The following PRKG1 variants were observed in gnomAD, a reference collection of about 807,000 sequenced individuals.
The protein encoded by PRKG1 is cGMP-dependent protein kinase 1.
A neutral mutation model predicts 88.1 loss-of-function variants in PRKG1; 35 were observed. That is an observed-to-expected ratio of 0.40 (90% CI 0.30 to 0.53). PRKG1 has a LOEUF of 0.53. Ranked by LOEUF, PRKG1 falls within the 20% of genes least tolerant of loss-of-function variation. The probability of loss-of-function intolerance (pLI) is 0.59; values close to 1 mark genes in which losing one functional copy is unlikely to be tolerated. For missense variants in PRKG1, 540 were observed against 839.8 expected, an observed-to-expected ratio of 0.64 and a Z score of 4.41; for synonymous variants, 303 against 292.5, an observed-to-expected ratio of 1.04 and a Z score of -0.37.
chr10:50,994,897 A>G (rs1435983350), intron 1 of PRKG1, among the ~76,000 whole-genome samples: 1 of 152,128 alleles, frequency 6.6e-6, no homozygotes, highest in Non-Finnish European at 1.5e-5. Context: ...AACTATTTAC[A>G]TATAATTTAT....
chr10:51,404,347 T>G (rs1478642242), intron 2 of PRKG1, among the ~76,000 whole-genome samples: 1 of 152,182 alleles, frequency 6.6e-6, no homozygotes, highest in Non-Finnish European at 1.5e-5. Flanking sequence ...GATAATAGAT[T>G]ATGATGAAAC....
intron 2 of PRKG1, among the ~76,000 whole-genome samples, chr10:51,277,754 T>C (rs1286155538): frequency 6.6e-6 from 1 of 152,234 alleles, no homozygotes; most frequent in African/African-American, 2.4e-5. Flanking sequence ...TTTGGCTCTC[T>C]GCCTGTTATT....
At chr10:51,561,194 A>G (rs919241508) in intron 3 of PRKG1, among the ~76,000 whole-genome samples, 3 of 152,020 alleles carry the variant, frequency 2.0e-5, no homozygotes, top group Non-Finnish European at 4.4e-5. Flanking sequence ...CTATATGCCT[A>G]TAGTCCCAGA....
At chr10:51,330,299 C>A (rs1414956002) in intron 2 of PRKG1, among the ~76,000 whole-genome samples, 1 of 151,468 alleles carries the variant, frequency 6.6e-6, no homozygotes, top group Admixed American at 6.6e-5. Flanking sequence ...TGCAGGCATG[C>A]GCAACCATGC....
At chr10:51,511,419 A>G (rs1841402003) in intron 3 of PRKG1, among the ~76,000 whole-genome samples, 1 of 152,276 alleles carries the variant, frequency 6.6e-6, no homozygotes, top group Non-Finnish European at 1.5e-5. Flanking sequence ...ACAGATTGGG[A>G]GGAGCTATTT....
At chr10:51,821,171 G>T (rs572001925) in intron 4 of PRKG1, among the ~76,000 whole-genome samples, 1 of 152,228 alleles carries the variant, frequency 6.6e-6, no homozygotes, top group African/African-American at 2.4e-5. Flanking sequence ...ACCTTTTGCT[G>T]TGTGTATCAA....
At chr10:52,271,068 A>T (rs1038968998) in intron 10 of PRKG1, among the ~76,000 whole-genome samples, 1 of 152,070 alleles carries the variant, frequency 6.6e-6, no homozygotes, top group African/African-American at 2.4e-5. Flanking sequence ...GACATGAAAT[A>T]ATAAAACTAG....
intron 1 of PRKG1, among the ~76,000 whole-genome samples, chr10:51,033,787 C>G (rs149121921): frequency 0.011 from 1,609 of 152,158 alleles, 22 homozygotes; most frequent in African/African-American, 0.036. Flanking sequence ...ATTGAGGACA[C>G]GGAGGAAAAA....
At chr10:51,107,830 A>AG (rs2131891849) in intron 1 of PRKG1, among the ~76,000 whole-genome samples, 1 of 151,434 alleles carries the variant, frequency 6.6e-6, no homozygotes, top group South Asian at 2.1e-4. Flanking sequence ...AAAAAAAAAA[A>AG]AAAAAGATAA....
intron 9 of PRKG1, among the ~76,000 whole-genome samples, chr10:52,186,326 G>A (rs1296601590): frequency 6.6e-6 from 1 of 152,110 alleles, no homozygotes; most frequent in Non-Finnish European, 1.5e-5. Flanking sequence ...CAAATCTCAT[G>A]TGAACTAACT....
chr10:51,769,291 C>G (rs1417531001), intron 3 of PRKG1, among the ~76,000 whole-genome samples: 1 of 152,070 alleles, frequency 6.6e-6, no homozygotes, highest in Non-Finnish European at 1.5e-5. Context: ...AGACAGATGG[C>G]AGAATCAATT....
chr10:52,080,199 A>G (rs1441586994), intron 7 of PRKG1, among the ~76,000 whole-genome samples: 2 of 152,180 alleles, frequency 1.3e-5, no homozygotes, highest in East Asian at 1.9e-4. Flanking sequence ...ATTTAAATAT[A>G]ACATTCCTTT....
At chr10:51,311,935 G>T (rs974909023) in intron 2 of PRKG1, among the ~76,000 whole-genome samples, 2 of 152,128 alleles carry the variant, frequency 1.3e-5, no homozygotes, top group Non-Finnish European at 2.9e-5. Flanking sequence ...GCAATGGCAT[G>T]ATCTTGGCTC....
intron 1 of PRKG1, among the ~76,000 whole-genome samples, chr10:51,109,699 G>T (rs1190176292): frequency 6.6e-6 from 1 of 152,010 alleles, no homozygotes; most frequent in Non-Finnish European, 1.5e-5. Context: ...GTTTGAGCAG[G>T]CAAATATTTC....
At chr10:51,822,651 C>A (rs1005238910) in intron 4 of PRKG1, among the ~76,000 whole-genome samples, 3 of 152,114 alleles carry the variant, frequency 2.0e-5, no homozygotes, top group Admixed American at 1.3e-4. Flanking sequence ...TTCTCCTGTT[C>A]AGTTCTGGAG....
In PRKG1 at chr10:51,125,349, T is replaced by C. The variant is rs186151667; in HGVS notation, c.312-27815T>C. On this transcript the variant is annotated intron_variant, in intron 1 of 17. Coordinates refer to ENST00000373980, the MANE Select transcript of PRKG1 (RefSeq NM_006258.4). ...AAAAAAATTAATAAATTATAAATTA[T>C]ATAAATTTATTTAAAAAATTATAAA... Among the ~76,000 whole-genome samples the C allele has an allele frequency of 2.1e-3, 313 of 151,158 alleles. 2 individuals are homozygous for C. The highest frequency in any genetic ancestry group is 7.3e-3 in the African/African-American group (303 of 41,354).
chr10:51,515,677 T>A (rs1713663093), intron 3 of PRKG1, among the ~76,000 whole-genome samples: 1 of 152,138 alleles, frequency 6.6e-6, no homozygotes, highest in Non-Finnish European at 1.5e-5. Flanking sequence ...TTAGCCCAAT[T>A]CTTCACACAC....
At chr10:52,278,153 AG>A in intron 12 of PRKG1, among the ~76,000 whole-genome samples, 1 of 152,340 alleles carries the variant, frequency 6.6e-6, no homozygotes, top group South Asian at 2.1e-4. Flanking sequence ...AAGTGGGCAA[AG>A]GATATGAACA....
At chr10:51,855,325 A>G (rs912779166) in intron 4 of PRKG1, among the ~76,000 whole-genome samples, 2 of 152,148 alleles carry the variant, frequency 1.3e-5, no homozygotes, top group Non-Finnish European at 2.9e-5. Flanking sequence ...TTTCTATTCT[A>G]GAGTAACTGG....
Sources: allele counts gnomAD v4.1 joint callset (sites outside exome capture counted in the v4.1 genomes callset), GRCh38; gene constraint gnomAD v4.1.1; transcripts MANE v1.5; gene names NCBI Gene and HGNC (gene_info 2026-07-23, HGNC 2026-07-21).